EXOC6B: variants seen among roughly 807,000 people sequenced by gnomAD.
EXOC6B encodes the protein SEC15 homolog B.
Under a neutral mutation model 113.5 loss-of-function variants are expected in EXOC6B, and 54 were observed. The ratio of observed to expected loss-of-function variants is 0.48; its 90% CI spans 0.38 to 0.60. The LOEUF is 0.60. EXOC6B is among the 20% of genes least tolerant of loss of function. EXOC6B has a pLI of 0.00. For missense variants in EXOC6B, 797 were observed against 977.5 expected, an observed-to-expected ratio of 0.82 and a Z score of 2.46; for synonymous variants, 357 against 339.0, an observed-to-expected ratio of 1.05 and a Z score of -0.58.
chr2:72,240,960 G>GGA (rs1682275749), intron 20 of EXOC6B, among the ~76,000 whole-genome samples: 1 of 151,992 alleles, frequency 6.6e-6, no homozygotes. Context: ...ACATTTTACT[G>GGA]GAGCAGAAAC....
intron 20 of EXOC6B, among the ~76,000 whole-genome samples, chr2:72,261,324 A>G (rs1357321143): frequency 6.6e-6 from 1 of 152,248 alleles, no homozygotes; most frequent in African/African-American, 2.4e-5. Flanking sequence ...CCAGATTGGA[A>G]AGTTCTAAAA....
chr2:72,450,072 TG>T (rs1338276626), intron 18 of EXOC6B, among the ~76,000 whole-genome samples: 1 of 152,182 alleles, frequency 6.6e-6, no homozygotes, highest in Non-Finnish European at 1.5e-5. Flanking sequence ...GGCCACCAGG[TG>T]TACATTCTTT....
intron 1 of EXOC6B, among the ~76,000 whole-genome samples, chr2:72,765,672 CA>C (rs1406077423): frequency 6.6e-6 from 1 of 151,558 alleles, no homozygotes; most frequent in Non-Finnish European, 1.5e-5. Flanking sequence ...GACTCCATCT[CA>C]AAAAAACAAA....
chr2:72,237,297 T>G (rs1159763), intron 20 of EXOC6B, among the ~76,000 whole-genome samples: 1 of 152,036 alleles, frequency 6.6e-6, no homozygotes, highest in Non-Finnish European at 1.5e-5. Flanking sequence ...ATCTGGTCAC[T>G]GGGATGCCAC....
chr2:72,649,015 C>CT (rs1673958205), intron 6 of EXOC6B, among the ~76,000 whole-genome samples: 1 of 152,102 alleles, frequency 6.6e-6, no homozygotes, highest in African/African-American at 2.4e-5. Flanking sequence ...TAGTGCACAC[C>CT]TGTAGTCCCA....
At chr2:72,554,152 ATAAT>A (rs1703400800) in intron 8 of EXOC6B, among the ~76,000 whole-genome samples, 1 of 152,202 alleles carries the variant, frequency 6.6e-6, no homozygotes, top group Admixed American at 6.5e-5. Context: ...AAGAGGACTG[ATAAT>A]TAACAGTACA....
intron 6 of EXOC6B, among the ~76,000 whole-genome samples, chr2:72,602,254 A>G (rs1267880111): frequency 6.6e-6 from 1 of 152,218 alleles, no homozygotes; most frequent in Admixed American, 6.5e-5. Flanking sequence ...TGGTCAGCTT[A>G]AGTGCATGAT....
At chr2:72,573,976 C>T (rs1236200219) in intron 7 of EXOC6B, among the ~76,000 whole-genome samples, 1 of 151,894 alleles carries the variant, frequency 6.6e-6, no homozygotes, top group East Asian at 1.9e-4. Context: ...ATTCACCAGG[C>T]ATGGTGGCGG....
chr2:72,357,653 C>T (rs964571587), intron 19 of EXOC6B, among the ~76,000 whole-genome samples: 11 of 151,506 alleles, frequency 7.3e-5, no homozygotes, highest in African/African-American at 2.7e-4. Flanking sequence ...ACAGTGCCAC[C>T]GCACTCCAGC....
At chr2:72,693,066 G>A (rs1677615107) in intron 6 of EXOC6B, among the ~76,000 whole-genome samples, 1 of 152,148 alleles carries the variant, frequency 6.6e-6, no homozygotes, top group Non-Finnish European at 1.5e-5. Context: ...TGAAGAAATT[G>A]TATGAAATTC....
At chr2:72,635,875 G>T (rs1326131643) in intron 6 of EXOC6B, among the ~76,000 whole-genome samples, 1 of 152,184 alleles carries the variant, frequency 6.6e-6, no homozygotes, top group African/African-American at 2.4e-5. Context: ...TTTATTCCAG[G>T]AATGGAAGGT....
At chr2:72,359,762 C>T (rs1187237467) in intron 19 of EXOC6B, among the ~76,000 whole-genome samples, 1 of 152,134 alleles carries the variant, frequency 6.6e-6, no homozygotes, top group Admixed American at 6.5e-5. Context: ...CCAAATCTCA[C>T]GTTGAAACAT....
At chr2:72,272,263 C>T (rs1196378807) in intron 20 of EXOC6B, among the ~76,000 whole-genome samples, 1 of 152,156 alleles carries the variant, frequency 6.6e-6, no homozygotes, top group African/African-American at 2.4e-5. Flanking sequence ...TTCTAATTTG[C>T]AAAGATGTAT....
In EXOC6B at chr2:72,184,181, C is replaced by A; in HGVS notation, c.2203G>T (p.Asp735Tyr). 2.6e-6 allele frequency: 4 copies of A among 1,545,812 alleles called. No homozygotes were observed. The highest frequency in any genetic ancestry group is 3.5e-6 in the Non-Finnish European group (4 of 1,140,884). The change falls in exon 21 of 22, where the codon GAT becomes TAT. Residue 735 changes from aspartate (D) to tyrosine (Y), a missense_variant. Physicochemically the swap from Asp to Tyr is radical, Grantham distance 160. Transcript: ENST00000272427. ...LAFIDLRQLL[D>Y]LFIQWDWSTY... is the part of the protein sequence containing the mutation. ...GACCAATCCCACTGGATGAAAAGAT[C>A]CAAAAGCTGTAAAATATCCAAACCC...
intron 14 of EXOC6B, among the ~76,000 whole-genome samples, chr2:72,496,137 A>C (rs1417466138): frequency 6.6e-6 from 1 of 152,174 alleles, no homozygotes; most frequent in East Asian, 1.9e-4. Context: ...TTTAAATTTT[A>C]ATAAAAACAA....
chr2:72,615,308 G>A (rs1671316344), intron 6 of EXOC6B, among the ~76,000 whole-genome samples: 1 of 152,010 alleles, frequency 6.6e-6, no homozygotes, highest in African/African-American at 2.4e-5. Context: ...TTCAGGTCAT[G>A]AATCTTACAT....
chr2:72,731,152 C>T lies in EXOC6B; in HGVS notation c.418+3G>A, dbSNP rs1680616631. The T allele has an allele frequency of 1.9e-6, 3 of 1,609,112 alleles. No individual in the cohort carries two copies. Among genetic ancestry groups the T allele is most frequent in the Middle Eastern group, 1.6e-4 (1 of 6,074 alleles). On this transcript the variant is annotated splice_donor_region_variant and intron_variant, in intron 4 of 21. Transcript: ENST00000272427. ...GAATCCTTCTCCATTTCCAGTTCCT[C>T]ACCTGGAAGACACAGCATTAATTTA...
At chr2:72,280,238 T>A (rs1685053781) in intron 20 of EXOC6B, among the ~76,000 whole-genome samples, 1 of 152,086 alleles carries the variant, frequency 6.6e-6, no homozygotes, top group African/African-American at 2.4e-5. Flanking sequence ...CTATCATAGA[T>A]CAGTGATGAA....
intron 17 of EXOC6B, among the ~76,000 whole-genome samples, chr2:72,472,219 C>T (rs565967155): frequency 6.6e-6 from 1 of 151,978 alleles, no homozygotes; most frequent in Non-Finnish European, 1.5e-5. Context: ...CAGGGTAATG[C>T]TAGGCTTACA....
Sources: gnomAD v4.1 joint callset for allele counts (sites outside exome capture counted in the v4.1 genomes callset) on GRCh38, gnomAD v4.1.1 for gene constraint, MANE v1.5 for transcripts, NCBI Gene and HGNC (gene_info 2026-07-23, HGNC 2026-07-21) for gene names.